FCHSD2: variants seen among roughly 807,000 people sequenced by gnomAD.
FCHSD2 encodes FCH and double SH3 domains 2.
Under a neutral mutation model 108.1 loss-of-function variants are expected in FCHSD2, and 38 were observed. The observed-to-expected ratio is 0.35, with a 90% CI of 0.27 to 0.46. The LOEUF (loss-of-function observed/expected upper bound fraction) is 0.46, where lower values mean the gene tolerates loss of function less well. Ranked by LOEUF, FCHSD2 falls within the 20% of genes least tolerant of loss-of-function variation. The pLI is 1.00. For synonymous variants in FCHSD2, 279 were observed against 314.7 expected, an observed-to-expected ratio of 0.89 and a Z score of 1.20; for missense variants, 751 against 897.8, an observed-to-expected ratio of 0.84 and a Z score of 2.09.
intron 5 of FCHSD2, among the ~76,000 whole-genome samples, chr11:72,991,120 G>T (rs1857403733): frequency 6.6e-6 from 1 of 152,172 alleles, no homozygotes; most frequent in Non-Finnish European, 1.5e-5. Context: ...AGAAGAAACT[G>T]ATAAATTCCT....
chr11:72,946,602 C>T (rs1288721063), intron 8 of FCHSD2, among the ~76,000 whole-genome samples: 1 of 152,070 alleles, frequency 6.6e-6, no homozygotes, highest in Admixed American at 6.6e-5. Flanking sequence ...AATGTCAATA[C>T]CTGCCAATAT....
chr11:72,871,671 G>A (rs1439886430), intron 12 of FCHSD2, among the ~76,000 whole-genome samples: 1 of 152,128 alleles, frequency 6.6e-6, no homozygotes, highest in Non-Finnish European at 1.5e-5. Context: ...TTGAGTCCAG[G>A]AGTTTGAGGC....
chr11:73,108,824 G>C (rs1860412300), intron 2 of FCHSD2, among the ~76,000 whole-genome samples: 1 of 152,176 alleles, frequency 6.6e-6, no homozygotes, highest in South Asian at 2.1e-4. Flanking sequence ...ACCCGCTTCG[G>C]CCTCCCAAAG....
chr11:72,896,603 A>G (rs932131933), intron 10 of FCHSD2, among the ~76,000 whole-genome samples: 3 of 152,032 alleles, frequency 2.0e-5, no homozygotes, highest in African/African-American at 7.2e-5. Flanking sequence ...TCTTTGTGGA[A>G]TAAGTAGAAC....
chr11:72,992,924 A>T (rs551268425), intron 5 of FCHSD2, among the ~76,000 whole-genome samples: 2 of 152,364 alleles, frequency 1.3e-5, no homozygotes, highest in African/African-American at 4.8e-5. Context: ...TAATTAAACT[A>T]AAGAGCTTCT....
Position 73,017,311 on chromosome 11 carries a change from T to G in FCHSD2, c.166-1426A>C, listed in dbSNP as rs565681788. Among the ~76,000 whole-genome samples the G allele has an allele frequency of 2.0e-5, 3 of 152,270 alleles. No homozygotes were observed. In the South Asian group the frequency reaches 6.2e-4, roughly 32 times the overall value. ...TACTTTTGGATAGGAATATATGTGG[T>G]CCCCTAACACTATAACAGGGCCTAA... is the stretch of plus-strand genomic sequence containing the variant. On this transcript the variant is annotated intron_variant, in intron 3 of 19. Coordinates refer to ENST00000409418, the MANE Select transcript of FCHSD2 (RefSeq NM_014824.3).
intron 8 of FCHSD2, among the ~76,000 whole-genome samples, chr11:72,934,834 T>C (rs1179023855): frequency 6.6e-6 from 1 of 152,154 alleles, no homozygotes; most frequent in African/African-American, 2.4e-5. Flanking sequence ...TGGACACAAA[T>C]TTCTAAGGGA....
intron 2 of FCHSD2, among the ~76,000 whole-genome samples, chr11:73,109,882 G>C (rs1003838098): frequency 6.6e-6 from 1 of 152,118 alleles, no homozygotes; most frequent in Non-Finnish European, 1.5e-5. Context: ...TCTATACCCA[G>C]TTTATTGAGT....
chr11:72,890,060 G>A (rs187006338), intron 10 of FCHSD2, 115 bp from the exon 11 acceptor site: 2 of 631,824 alleles, frequency 3.2e-6, no homozygotes, highest in Non-Finnish European at 5.6e-6. Context: ...CATGAGGCAC[G>A]CTCCACTACT....
intron 2 of FCHSD2, among the ~76,000 whole-genome samples, chr11:73,119,601 C>A (rs2068208065): frequency 6.6e-6 from 1 of 152,098 alleles, no homozygotes; most frequent in South Asian, 2.1e-4. Flanking sequence ...CACATGCCAC[C>A]ATACCTGGCT....
intron 3 of FCHSD2, among the ~76,000 whole-genome samples, chr11:73,045,774 G>A (rs563941863): frequency 6.6e-6 from 1 of 151,886 alleles, no homozygotes; most frequent in South Asian, 2.1e-4. Context: ...GTTGTGGGGT[G>A]GGGGGAGCGG....
chr11:73,095,173 A>T (rs747466755), intron 2 of FCHSD2, among the ~76,000 whole-genome samples: 6 of 152,168 alleles, frequency 3.9e-5, no homozygotes, highest in Admixed American at 6.5e-5. Flanking sequence ...GAGCGAGTTA[A>T]CTTTCCTGAC....
intron 3 of FCHSD2, among the ~76,000 whole-genome samples, chr11:73,069,455 A>G (rs555982518): frequency 6.6e-6 from 1 of 152,184 alleles, no homozygotes; most frequent in Non-Finnish European, 1.5e-5. Flanking sequence ...ACATACATAC[A>G]TATATACACA....
At chr11:72,853,697 A>G (rs1324705849) in intron 13 of FCHSD2, among the ~76,000 whole-genome samples, 1 of 152,200 alleles carries the variant, frequency 6.6e-6, no homozygotes, top group African/African-American at 2.4e-5. Context: ...TACCAAGAGC[A>G]TAGGCAACAA....
intron 3 of FCHSD2, among the ~76,000 whole-genome samples, chr11:73,030,969 G>A (rs1390676913): frequency 6.6e-6 from 1 of 151,712 alleles, no homozygotes; most frequent in Non-Finnish European, 1.5e-5. Flanking sequence ...AGAAACTGTA[G>A]TATACACATA....
intron 8 of FCHSD2, among the ~76,000 whole-genome samples, chr11:72,946,217 TA>T (rs1302320745): frequency 1.2e-4 from 18 of 152,122 alleles, no homozygotes; most frequent in African/African-American, 2.9e-4. Context: ...TATGCAGCCA[TA>T]AAAAATGATG....
chr11:72,930,421 T>A (rs958322946), intron 8 of FCHSD2, among the ~76,000 whole-genome samples: 2 of 152,238 alleles, frequency 1.3e-5, no homozygotes, highest in Non-Finnish European at 2.9e-5. Context: ...AAAACATTTT[T>A]AATTTAGAGA....
At chr11:72,922,378 T>C (rs1357057348) in intron 8 of FCHSD2, among the ~76,000 whole-genome samples, 1 of 152,144 alleles carries the variant, frequency 6.6e-6, no homozygotes, top group Non-Finnish European at 1.5e-5. Context: ...GGTATATGTA[T>C]ATTTACTGAA....
chr11:73,024,355 G>C (rs1212820692), intron 3 of FCHSD2, among the ~76,000 whole-genome samples: 1 of 152,086 alleles, frequency 6.6e-6, no homozygotes, highest in African/African-American at 2.4e-5. Context: ...ATTTTAGCTA[G>C]AAACTGTACG....
Sources: allele counts gnomAD v4.1 joint callset (sites outside exome capture counted in the v4.1 genomes callset), GRCh38; gene constraint gnomAD v4.1.1; transcripts MANE v1.5; gene names NCBI Gene and HGNC (gene_info 2026-07-23, HGNC 2026-07-21).